DSCAM: variants seen among roughly 807,000 people sequenced by gnomAD.
DSCAM encodes cell adhesion molecule DSCAM.
DSCAM carries 47 observed loss-of-function variants against 217.7 expected under a neutral mutation model. That is an observed-to-expected ratio of 0.22 (90% CI 0.17 to 0.28). The LOEUF is 0.28. Ranked by LOEUF, DSCAM falls within the 10% of genes least tolerant of loss-of-function variation. The pLI, the probability that DSCAM is intolerant of heterozygous loss-of-function variation, is 1.00. For missense variants in DSCAM, 2,080 were observed against 2,618.3 expected (o/e 0.79, Z 4.49); for synonymous variants, 1,056 against 1,015.3 (o/e 1.04, Z -0.76).
intron 11 of DSCAM, among the ~76,000 whole-genome samples, chr21:40,239,257 G>C (rs983475729): frequency 2.6e-5 from 4 of 151,994 alleles, no homozygotes; most frequent in Non-Finnish European, 4.4e-5. Context: ...TTTTTTCAAA[G>C]TGAGAAGAAA....
intron 3 of DSCAM, among the ~76,000 whole-genome samples, chr21:40,632,671 C>T (rs1015199888): frequency 6.6e-6 from 1 of 152,178 alleles, no homozygotes; most frequent in African/African-American, 2.4e-5. Context: ...ATTGCTTAGT[C>T]GGAAAATGCA....
chr21:40,234,510 T>C (rs1004959106), intron 11 of DSCAM, among the ~76,000 whole-genome samples: 3 of 152,220 alleles, frequency 2.0e-5, no homozygotes, highest in Non-Finnish European at 4.4e-5. Context: ...TGAGTCAAGA[T>C]GTGGCTGGTT....
At chr21:40,014,194 C>T (rs534634954) in intron 32 of DSCAM, among the ~76,000 whole-genome samples, 221 of 152,270 alleles carry the variant, frequency 1.5e-3, no homozygotes, top group African/African-American at 4.7e-3. Context: ...AGTTCAAGAC[C>T]AGCCAGGCCA....
At chr21:40,613,926 T>C (rs1601789325) in intron 3 of DSCAM, among the ~76,000 whole-genome samples, 2 of 152,086 alleles carry the variant, frequency 1.3e-5, no homozygotes, top group East Asian at 3.9e-4. Flanking sequence ...AAGGAATGAG[T>C]ATGAGACAAT....
intron 16 of DSCAM, among the ~76,000 whole-genome samples, chr21:40,146,264 A>AG (rs1017336824): frequency 1.2e-4 from 6 of 50,266 alleles, no homozygotes; most frequent in African/African-American, 2.1e-4. Context: ...GGCTTGACGG[A>AG]GGGGGGGAGG....
In DSCAM at chr21:40,404,604, C is replaced by T. The variant is rs555182070; in HGVS notation, c.509-35359G>A. On this transcript the variant is annotated intron_variant, in intron 3 of 32. Coordinates refer to ENST00000400454, the MANE Select transcript of DSCAM (RefSeq NM_001389.5). ...TCTTTGAATTGCACTTAAATAAACA[C>T]AGGGAATAATTCCACTTTTAGATAT... Among the ~76,000 whole-genome samples the T allele has an allele frequency of 7.9e-5, 12 of 152,342 alleles. 1 individual carries two copies. Among genetic ancestry groups the T allele is most frequent in the African/African-American group, 2.4e-4 (10 of 41,582 alleles).
chr21:40,225,949 G>T (rs1355126495), intron 11 of DSCAM, among the ~76,000 whole-genome samples: 1 of 152,198 alleles, frequency 6.6e-6, no homozygotes, highest in Non-Finnish European at 1.5e-5. Context: ...GAAAGGCAAT[G>T]ATTCCAACAT....
chr21:40,786,388 A>G (rs2091594840), intron 1 of DSCAM, among the ~76,000 whole-genome samples: 1 of 152,228 alleles, frequency 6.6e-6, no homozygotes, highest in Non-Finnish European at 1.5e-5. Flanking sequence ...TGCAGGTACC[A>G]TAGTCACGGG....
At chr21:40,604,841 A>G (rs1253328241) in intron 3 of DSCAM, among the ~76,000 whole-genome samples, 1 of 152,070 alleles carries the variant, frequency 6.6e-6, no homozygotes, top group Non-Finnish European at 1.5e-5. Flanking sequence ...TGACTTTCAG[A>G]TGTGCTTTGT....
chr21:40,674,718 C>T (rs922205260), intron 3 of DSCAM, among the ~76,000 whole-genome samples: 3 of 149,304 alleles, frequency 2.0e-5, no homozygotes, highest in Non-Finnish European at 4.4e-5. Flanking sequence ...CTGCAAGCTC[C>T]GCCTCCCAGG....
chr21:40,692,301 T>A (rs1322011962), intron 3 of DSCAM, among the ~76,000 whole-genome samples: 1 of 152,240 alleles, frequency 6.6e-6, no homozygotes, highest in East Asian at 1.9e-4. Context: ...GCCAAGAAAT[T>A]ATTCATATGC....
Position 40,501,288 on chromosome 21 carries a change from A to G in DSCAM, c.509-132043T>C, listed in dbSNP as rs2076168515. ...CAACCTCACCTCTTTGTATATTAAAATATATATTCTTCAAATACATATTTG... is the reference window on the plus strand; with the variant it reads ...CAACCTCACCTCTTTGTATATTAAAGTATATATTCTTCAAATACATATTTG... On this transcript the variant is annotated intron_variant, in intron 3 of 32. Transcript: ENST00000400454. 2.0e-5 allele frequency among the ~76,000 whole-genome samples: 3 copies of G among 152,298 alleles called. No homozygotes were observed. The South Asian group carries it at 6.2e-4, about 32-fold the overall frequency.
Position 40,078,798 on chromosome 21 carries a change from T to C in DSCAM, c.4600A>G (p.Ile1534Val). 1 of 1,614,224 alleles carries C rather than the reference T, an allele frequency of 6.2e-7. No individual in the cohort carries two copies. The highest frequency in any genetic ancestry group is 8.5e-7 in the Non-Finnish European group (1 of 1,180,044). Residue 1534 changes from isoleucine (I) to valine (V), a missense_variant, in exon 26 of 33, where the codon ATC becomes GTC. Transcript: ENST00000400454. ...GTGGCTTCCTGCAGGTCATACAGGA[T>C]GTAGGACTTGGAGAGAGAGGTCCTC... ...AQRTSLSKSY[I>V]LYDLQEATWY... is the part of the protein sequence containing the mutation.
At chr21:40,731,728 A>ACCCCCCCC (rs148482159) in intron 1 of DSCAM, among the ~76,000 whole-genome samples, 68 of 79,674 alleles carry the variant, frequency 8.5e-4, no homozygotes, top group Non-Finnish European at 1.2e-3. Flanking sequence ...TTCCCACTGC[A>ACCCCCCCC]CCCCCCCCCC....
At chr21:40,075,983 T>C (rs1568927645) in intron 26 of DSCAM, among the ~76,000 whole-genome samples, 1 of 152,156 alleles carries the variant, frequency 6.6e-6, no homozygotes, top group Non-Finnish European at 1.5e-5. Context: ...TTTTATGAGG[T>C]ATATATTTTG....
At chr21:40,725,288 A>G (rs147614767) in intron 1 of DSCAM, among the ~76,000 whole-genome samples, 1 of 152,296 alleles carries the variant, frequency 6.6e-6, no homozygotes, top group African/African-American at 2.4e-5. Context: ...TGAGGAAGCA[A>G]TGACAAAGTG....
intron 8 of DSCAM, among the ~76,000 whole-genome samples, chr21:40,317,433 T>C (rs1199172356): frequency 6.6e-6 from 1 of 152,212 alleles, no homozygotes; most frequent in African/African-American, 2.4e-5. Context: ...TTTTCTTAAG[T>C]AGAGTGACCC....
At chr21:40,465,980 T>A (rs2075841917) in intron 3 of DSCAM, among the ~76,000 whole-genome samples, 1 of 152,058 alleles carries the variant, frequency 6.6e-6, no homozygotes, top group Non-Finnish European at 1.5e-5. Context: ...CTGTTTTGGG[T>A]GACGGAATCA....
chr21:40,191,726 G>C (rs1372034522), intron 11 of DSCAM, among the ~76,000 whole-genome samples: 1 of 152,132 alleles, frequency 6.6e-6, no homozygotes, highest in Non-Finnish European at 1.5e-5. Context: ...ACAGAGCCAT[G>C]CTCCCTCTAA....
Sources: gnomAD v4.1 joint callset for allele counts (sites outside exome capture counted in the v4.1 genomes callset) on GRCh38, gnomAD v4.1.1 for gene constraint, MANE v1.5 for transcripts, NCBI Gene and HGNC (gene_info 2026-07-23, HGNC 2026-07-21) for gene names.